SEZ6: variants seen among roughly 807,000 people sequenced by gnomAD.
SEZ6 encodes the protein seizure related 6 homolog, also known as seizure protein 6 homolog.
SEZ6 carries 53 observed loss-of-function variants against 101.0 expected under a neutral mutation model. The ratio of observed to expected loss-of-function variants is 0.52; its 90% CI spans 0.42 to 0.66. The LOEUF (loss-of-function observed/expected upper bound fraction) is 0.66. SEZ6 is among the 30% of genes least tolerant of loss of function. The pLI, the probability that SEZ6 is intolerant of heterozygous loss-of-function variation, is 0.00. For missense variants in SEZ6, 1,102 were observed against 1,289.4 expected, an observed-to-expected ratio of 0.85 and a Z score of 2.23; for synonymous variants, 488 against 512.2, an observed-to-expected ratio of 0.95 and a Z score of 0.64.
At chr17:28,962,890 T>C (rs12451234) in intron 5 of SEZ6, among the ~76,000 whole-genome samples, 23,984 of 151,582 alleles carry the variant, frequency 0.16, 2,094 homozygotes, top group South Asian at 0.26. Context: ...TTTGGGAGGC[T>C]GAGGTGGGTG....
At chr17:28,964,638 G>A (rs2041035014) in intron 4 of SEZ6, among the ~76,000 whole-genome samples, 1 of 152,204 alleles carries the variant, frequency 6.6e-6, no homozygotes, top group Non-Finnish European at 1.5e-5. Context: ...TGTTGATACT[G>A]TTTTTCCTTT....
rs914000193 is a variant in SEZ6 at position 28,957,525 on chromosome 17, C to T, written c.2317G>A (p.Asp773Asn). ...PSCQRVTSCH[D>N]PGDVEHSRRL... ...CGGCTGTGCTCCACATCTCCAGGAT[C>T]GTGGCAGGAAGTCACTATGGGTAGG... The change falls in exon 12 of 17, where the codon GAT (aspartate) becomes AAT (asparagine). Residue 773 changes from aspartate to asparagine, a missense_variant. Physicochemically the swap from Asp to Asn is conservative, Grantham distance 23 (BLOSUM62 1). Coordinates refer to ENST00000317338, the MANE Select transcript of SEZ6 (RefSeq NM_178860.5). 2.1e-5 allele frequency: 34 copies of T among 1,612,808 alleles called. No homozygotes were observed. The highest frequency in any genetic ancestry group is 2.7e-5 in the African/African-American group (2 of 74,604).
Position 28,960,827 on chromosome 17 carries a change from A to G in SEZ6, c.1387T>C (p.Ser463Pro). 1 of 1,613,942 alleles carries G rather than the reference A, an allele frequency of 6.2e-7. No homozygotes were observed. Among genetic ancestry groups the G allele is most frequent in the Non-Finnish European group, 8.5e-7 (1 of 1,179,842 alleles). ...CACCTGTCATCATCCTCTGCCAGGG[A>G]AACCTTCTCAAAGTGCAGGTGTAGC... ...QRLHLHFEKV[S>P]LAEDDDRLII... The change falls in exon 6 of 17, where the codon TCC (serine) becomes CCC (proline). Residue 463 changes from serine (S) to proline (P), a missense_variant. By Grantham distance (74) the Ser-to-Pro change is moderately conservative (BLOSUM62 -1). This residue lies in a region of SEZ6 where 556 missense variants were observed against 735.1 expected (regional missense o/e 0.76). Coordinates refer to ENST00000317338, the MANE Select transcript of SEZ6 (RefSeq NM_178860.5).
intron 1 of SEZ6, among the ~76,000 whole-genome samples, chr17:28,993,769 A>G (rs2041497778): frequency 6.6e-6 from 1 of 152,182 alleles, no homozygotes; most frequent in Admixed American, 6.5e-5. Flanking sequence ...CCAGGCCAGC[A>G]TCTTTGGACT....
At chr17:28,978,226 G>A (rs1223597337) in intron 3 of SEZ6, among the ~76,000 whole-genome samples, 1 of 152,216 alleles carries the variant, frequency 6.6e-6, no homozygotes, top group East Asian at 1.9e-4. Flanking sequence ...CCCTCAACCA[G>A]GCTGAATGCC....
In SEZ6 at chr17:28,956,239, G is replaced by T. The variant is rs1433953206; in HGVS notation, c.2872C>A (p.Gln958Lys). ...FSRLQGKSSLQLPRPRPRPYN... is the reference protein window; with the variant it reads ...FSRLQGKSSLKLPRPRPRPYN... ...GGGCGGGGGCGGGGGCGGGGCAGCT[G>T]CAGGGAGCTTTTTCCCTGGAGCCTG... The change falls in exon 16 of 17, where the codon CAG (glutamine) becomes AAG (lysine). Residue 958 changes from glutamine (Q) to lysine (K), a missense_variant. Transcript: ENST00000317338. The T allele has an allele frequency of 6.3e-7, 1 of 1,598,194 alleles. No homozygotes were observed. The highest frequency in any genetic ancestry group is 8.5e-7 in the Non-Finnish European group (1 of 1,172,854).
intron 4 of SEZ6, among the ~76,000 whole-genome samples, chr17:28,966,507 G>T (rs1297122492): frequency 1.3e-5 from 2 of 152,122 alleles, no homozygotes; most frequent in African/African-American, 4.8e-5. Flanking sequence ...ATCCTGGCTT[G>T]CGTCTAAGAG....
chr17:28,960,554 G>C lies in SEZ6; in HGVS notation c.1527C>G (p.Leu509=). The change falls in exon 7 of 17, where the codon CTC becomes CTG. Residue 509 remains leucine (L), a synonymous_variant. Coordinates refer to ENST00000317338, the MANE Select transcript of SEZ6 (RefSeq NM_178860.5). ...CAGCTGCCCCGCTGCTGTCAGTACT[G>C]AGCTCAACAAAGAAGTGTTTGCCAG... is the stretch of plus-strand genomic sequence containing the variant. ...LSSGKHFFVE[L]STDSSGAAAG... is the part of the protein sequence containing the mutation. 1 of 1,593,718 alleles carries C rather than the reference G, an allele frequency of 6.3e-7. No individual in the cohort carries two copies. Among genetic ancestry groups the C allele is most frequent in the Non-Finnish European group, 8.5e-7 (1 of 1,170,520 alleles).
At chr17:28,992,706 C>G (rs539587167) in intron 1 of SEZ6, among the ~76,000 whole-genome samples, 1 of 152,158 alleles carries the variant, frequency 6.6e-6, no homozygotes, top group Non-Finnish European at 1.5e-5. Context: ...GTTGGGGCTG[C>G]GGCTGGGCCA....
intron 11 of SEZ6, 82 bp downstream of exon 11, chr17:28,957,865 C>G: frequency 4.8e-6 from 7 of 1,457,340 alleles, no homozygotes; most frequent in Non-Finnish European, 5.6e-6. Flanking sequence ...TAGCTAATAA[C>G]AGCTACAGTC....
chr17:28,960,831 C>G lies in SEZ6; in HGVS notation c.1383G>C (p.Lys461Asn). The G allele has an allele frequency of 6.2e-7, 1 of 1,613,936 alleles. No homozygotes were observed. The highest frequency in any genetic ancestry group is 8.5e-7 in the Non-Finnish European group (1 of 1,179,846). Reference sequence around the variant, plus strand: ...TGTCATCATCCTCTGCCAGGGAAACCTTCTCAAAGTGCAGGTGTAGCCGCT... The same window carrying G: ...TGTCATCATCCTCTGCCAGGGAAACGTTCTCAAAGTGCAGGTGTAGCCGCT... ...EGQRLHLHFE[K>N]VSLAEDDDRL... is the part of the protein sequence containing the mutation. The change falls in exon 6 of 17, where the codon AAG (lysine) becomes AAC (asparagine). Residue 461 changes from lysine to asparagine, a missense_variant. Physicochemically the swap from Lys to Asn is moderately conservative, Grantham distance 94. This residue lies in a region of SEZ6 where 556 missense variants were observed against 735.1 expected (regional missense o/e 0.76). Transcript: ENST00000317338.
rs903917983 is a variant in SEZ6 at position 28,956,643 on chromosome 17, G to A, written c.2731+76C>T. On this transcript the variant is annotated intron_variant, in intron 14 of 16. Coordinates refer to ENST00000317338, the MANE Select transcript of SEZ6 (RefSeq NM_178860.5). ...TCTCTTTCTCTGCCCTCCCTCCTTG[G>A]GAAGCCCATGACCTGGGAGCCGTGA... 2.6e-6 allele frequency: 4 copies of A among 1,541,800 alleles called. No individual in the cohort carries two copies. In the South Asian group the frequency reaches 4.8e-5, roughly 18 times the overall value.
intron 1 of SEZ6, among the ~76,000 whole-genome samples, chr17:28,983,248 C>T (rs1248311656): frequency 1.3e-5 from 2 of 152,176 alleles, no homozygotes; most frequent in Non-Finnish European, 2.9e-5. Context: ...AATATTACAT[C>T]CCGTCTCTAT....
intron 4 of SEZ6, among the ~76,000 whole-genome samples, chr17:28,966,935 G>T (rs1343268329): frequency 2.0e-5 from 3 of 152,198 alleles, no homozygotes; most frequent in African/African-American, 7.2e-5. Flanking sequence ...AGTTGTGCTT[G>T]GCAGGCAGTA....
At chr17:28,963,936 C>G in intron 5 of SEZ6, 26 bp downstream of exon 5, 1 of 1,540,858 alleles carries the variant, frequency 6.5e-7, no homozygotes, top group Non-Finnish European at 8.6e-7. Context: ...CTGCTCAGCA[C>G]TGAGCCCTTT....
At chr17:28,965,805 A>G (rs913255672) in intron 4 of SEZ6, among the ~76,000 whole-genome samples, 1 of 152,174 alleles carries the variant, frequency 6.6e-6, no homozygotes, top group African/African-American at 2.4e-5. Flanking sequence ...CTACAAAACA[A>G]TCTGGCATAT....
chr17:29,003,080 T>C (rs1383833652), intron 1 of SEZ6, among the ~76,000 whole-genome samples: 1 of 152,186 alleles, frequency 6.6e-6, no homozygotes, highest in Non-Finnish European at 1.5e-5. Context: ...GCTTCCACCT[T>C]CATAATCTCC....
intron 1 of SEZ6, among the ~76,000 whole-genome samples, chr17:28,989,489 G>C (rs772440207): frequency 1.8e-4 from 28 of 152,130 alleles, no homozygotes; most frequent in Non-Finnish European, 3.4e-4. Context: ...CTGTCCAATA[G>C]ACCTTTGTGA....
chr17:28,995,226 G>C (rs542675359), intron 1 of SEZ6, among the ~76,000 whole-genome samples: 1 of 152,210 alleles, frequency 6.6e-6, no homozygotes, highest in African/African-American at 2.4e-5. Context: ...ATCTCCCTCT[G>C]CTGAGCATCT....
Sources: gnomAD v4.1 joint callset for allele counts (sites outside exome capture counted in the v4.1 genomes callset) on GRCh38, gnomAD v4.1.1 for gene constraint, gnomAD v4.1.1 regional missense constraint, MANE v1.5 for transcripts, NCBI Gene and HGNC (gene_info 2026-07-23, HGNC 2026-07-21) for gene names.